EXOC4: variants seen among roughly 807,000 people sequenced by gnomAD.
The protein encoded by EXOC4 is SEC8-like 1.
In EXOC4, 71 loss-of-function variants were observed where a neutral mutation model predicts 107.2. The observed-to-expected ratio is 0.66, with a 90% CI of 0.55 to 0.81. The LOEUF (loss-of-function observed/expected upper bound fraction) is 0.81. Ranked by LOEUF, EXOC4 falls within the 30% of genes least tolerant of loss-of-function variation. The pLI, the probability that EXOC4 is intolerant of heterozygous loss-of-function variation, is 0.00. For missense variants in EXOC4, 1,108 were observed against 1,189.6 expected, an observed-to-expected ratio of 0.93 and a Z score of 1.01; for synonymous variants, 456 against 441.2, an observed-to-expected ratio of 1.03 and a Z score of -0.42.
intron 11 of EXOC4, among the ~76,000 whole-genome samples, chr7:133,857,116 A>G (rs112734549): frequency 0.019 from 1,636 of 86,568 alleles, 41 homozygotes; most frequent in Non-Finnish European, 0.024. Context: ...ATATATGTGT[A>G]TATATATATG....
Position 133,899,688 on chromosome 7 carries a change from G to T in EXOC4, c.1871+3953G>T, listed in dbSNP as rs191189878. 1.1e-4 allele frequency among the ~76,000 whole-genome samples: 17 copies of T among 151,184 alleles called. No individual in the cohort carries two copies. The East Asian group carries it at 3.3e-3, about 29-fold the overall frequency. ...TCTTTCTCCATTACCCATTAGCTTG[G>T]CAGTGTCCATCTTAAAAAGGAGTGC... is the stretch of plus-strand genomic sequence containing the variant. On this transcript the variant is annotated intron_variant, in intron 12 of 17. Coordinates refer to ENST00000253861, the MANE Select transcript of EXOC4 (RefSeq NM_021807.4).
chr7:133,437,635 T>G (rs1798006104), intron 7 of EXOC4, among the ~76,000 whole-genome samples: 1 of 152,162 alleles, frequency 6.6e-6, no homozygotes, highest in East Asian at 1.9e-4. Context: ...CATCTTTTAT[T>G]TCCCCGTTTT....
chr7:133,275,258 T>C (rs1793963330), intron 2 of EXOC4, 87 bp downstream of exon 2: 1 of 1,114,132 alleles, frequency 9.0e-7, no homozygotes. Flanking sequence ...TAGTGGCTAA[T>C]GGTCCTTAAC....
chr7:133,457,543 C>G (rs572138036), intron 7 of EXOC4, among the ~76,000 whole-genome samples: 1 of 152,038 alleles, frequency 6.6e-6, no homozygotes, highest in South Asian at 2.1e-4. Flanking sequence ...AATTAGGTTG[C>G]GTATCAAAAT....
At chr7:133,674,965 C>T (rs1484936402) in intron 10 of EXOC4, among the ~76,000 whole-genome samples, 3 of 152,150 alleles carry the variant, frequency 2.0e-5, no homozygotes, top group African/African-American at 4.8e-5. Flanking sequence ...TTCAGTGAGA[C>T]TCAGGGAGGG....
At chr7:133,326,713 G>C (rs895159121) in intron 5 of EXOC4, among the ~76,000 whole-genome samples, 1 of 152,184 alleles carries the variant, frequency 6.6e-6, no homozygotes, top group Non-Finnish European at 1.5e-5. Flanking sequence ...CGTGCTGGGA[G>C]AACCACTACA....
At position 133,526,870 on chromosome 7, in the gene EXOC4, G is replaced by T. The variant is rs577644263; in HGVS notation, c.1417+46732G>T. Among the ~76,000 whole-genome samples, 5 of 152,230 alleles carry T rather than the reference G, an allele frequency of 3.3e-5. No individual in the cohort carries two copies. The East Asian group carries it at 5.8e-4, about 18-fold the overall frequency. ...GTCTGTAGTCCCAGCTACTCGGGAG[G>T]CTGAGGCAGGAGAATCACTTGAACC... On this transcript the variant is annotated intron_variant, in intron 9 of 17. Coordinates refer to ENST00000253861, the MANE Select transcript of EXOC4 (RefSeq NM_021807.4).
At chr7:133,801,984 A>G (rs994929016) in intron 10 of EXOC4, among the ~76,000 whole-genome samples, 6 of 152,254 alleles carry the variant, frequency 3.9e-5, no homozygotes, top group African/African-American at 2.4e-5. Context: ...CTACCAAAAT[A>G]TATAAAACTT....
chr7:133,632,251 C>T (rs10270736), intron 10 of EXOC4, among the ~76,000 whole-genome samples: 3,197 of 152,206 alleles, frequency 0.021, 118 homozygotes, highest in African/African-American at 0.073. Context: ...AGTGGTTTTA[C>T]TCACTTACTT....
intron 11 of EXOC4, among the ~76,000 whole-genome samples, chr7:133,866,744 G>C (rs1241719449): frequency 6.6e-6 from 1 of 152,106 alleles, no homozygotes; most frequent in Non-Finnish European, 1.5e-5. Context: ...GCTTTACTGA[G>C]ATAATAAAAA....
At chr7:133,879,142 C>T (rs1025957893) in intron 11 of EXOC4, among the ~76,000 whole-genome samples, 23 of 152,158 alleles carry the variant, frequency 1.5e-4, no homozygotes, top group Middle Eastern at 6.8e-3. Flanking sequence ...GTCGCTCTGT[C>T]GCCAGGCTTG....
intron 9 of EXOC4, among the ~76,000 whole-genome samples, chr7:133,504,021 G>GTA (rs1327521561): frequency 1.3e-5 from 2 of 151,668 alleles, no homozygotes; most frequent in African/African-American, 4.8e-5. Context: ...ATACACACAC[G>GTA]TATACACACA....
chr7:133,833,771 G>T (rs554270239), intron 11 of EXOC4, among the ~76,000 whole-genome samples: 21 of 152,188 alleles, frequency 1.4e-4, no homozygotes, highest in Admixed American at 1.2e-3. Context: ...TGCCATGTTG[G>T]CCATGCTGGT....
intron 17 of EXOC4, among the ~76,000 whole-genome samples, chr7:134,033,048 T>C (rs1239751391): frequency 6.6e-6 from 1 of 152,118 alleles, no homozygotes; most frequent in Non-Finnish European, 1.5e-5. Flanking sequence ...AATAAATAAA[T>C]GACAGCAACT....
At chr7:133,397,210 A>T (rs1796989928) in intron 7 of EXOC4, among the ~76,000 whole-genome samples, 1 of 150,654 alleles carries the variant, frequency 6.6e-6, no homozygotes, top group Non-Finnish European at 1.5e-5. Flanking sequence ...GCTCACCGCA[A>T]CTTCCACCTT....
chr7:133,966,767 G>T (rs1801080144), intron 14 of EXOC4, among the ~76,000 whole-genome samples: 1 of 152,178 alleles, frequency 6.6e-6, no homozygotes, highest in Non-Finnish European at 1.5e-5. Flanking sequence ...GTTCATCAGG[G>T]ATATTGCCCT....
intron 10 of EXOC4, among the ~76,000 whole-genome samples, chr7:133,635,406 A>G (rs1180414741): frequency 6.6e-6 from 1 of 152,200 alleles, no homozygotes; most frequent in African/African-American, 2.4e-5. Flanking sequence ...CTCCAAGTCT[A>G]AAAACAGATA....
chr7:133,970,316 G>T (rs1439651212), intron 14 of EXOC4, among the ~76,000 whole-genome samples: 1 of 151,948 alleles, frequency 6.6e-6, no homozygotes, highest in Non-Finnish European at 1.5e-5. Context: ...TAGACCACTT[G>T]GCTCCCTGGC....
chr7:133,346,655 G>A (rs963711805), intron 5 of EXOC4, among the ~76,000 whole-genome samples: 6 of 151,968 alleles, frequency 3.9e-5, no homozygotes, highest in South Asian at 2.1e-4. Context: ...ATATTCTAGT[G>A]GTCTAATTAG....
Sources: allele counts gnomAD v4.1 joint callset (sites outside exome capture counted in the v4.1 genomes callset), GRCh38; gene constraint gnomAD v4.1.1; transcripts MANE v1.5; gene names NCBI Gene and HGNC (gene_info 2026-07-23, HGNC 2026-07-21).